The following ADGRF5 variants were observed in gnomAD, a reference collection of about 807,000 sequenced individuals.
ADGRF5 encodes the protein G-protein coupled receptor 116.
Under a neutral mutation model 132.3 loss-of-function variants are expected in ADGRF5, and 75 were observed. The observed-to-expected ratio is 0.57, with a 90% confidence interval of 0.47 to 0.69. The LOEUF (loss-of-function observed/expected upper bound fraction) is 0.69, where lower values mean the gene tolerates loss of function less well. ADGRF5 is among the 30% of genes least tolerant of loss of function. ADGRF5 has a pLI of 0.00. For synonymous variants in ADGRF5, 629 were observed against 597.6 expected (o/e 1.05, Z -0.77); for missense variants, 1,516 against 1,630.6 (o/e 0.93, Z 1.21).
At chr6:46,871,577 G>A (rs900391055) in intron 11 of ADGRF5, among the ~76,000 whole-genome samples, 1 of 152,102 alleles carries the variant, frequency 6.6e-6, no homozygotes, top group African/African-American at 2.4e-5. Context: ...TCCACCTCCT[G>A]CATTACTCAG....
intron 3 of ADGRF5, among the ~76,000 whole-genome samples, chr6:46,898,461 A>G (rs1213183522): frequency 6.6e-6 from 1 of 152,180 alleles, no homozygotes; most frequent in Non-Finnish European, 1.5e-5. Context: ...CAGAACGTAT[A>G]TACTGTGCCA....
intron 3 of ADGRF5, among the ~76,000 whole-genome samples, chr6:46,889,049 G>T (rs1277501762): frequency 6.6e-6 from 1 of 151,868 alleles, no homozygotes; most frequent in Non-Finnish European, 1.5e-5. Flanking sequence ...TAAAATAAAA[G>T]AGATTTTCAG....
At chr6:46,861,622 T>C (rs1020597973) in intron 15 of ADGRF5, among the ~76,000 whole-genome samples, 1 of 152,236 alleles carries the variant, frequency 6.6e-6, no homozygotes, top group African/African-American at 2.4e-5. Flanking sequence ...ATTGCTCCAA[T>C]TAAATTATAA....
chr6:46,864,772 C>A (rs931330126), intron 14 of ADGRF5, among the ~76,000 whole-genome samples: 1 of 152,136 alleles, frequency 6.6e-6, no homozygotes, highest in Non-Finnish European at 1.5e-5. Context: ...GATCTGCCCA[C>A]CTCGGCCTCC....
At chr6:46,880,842 A>G (rs922540450) in intron 8 of ADGRF5, among the ~76,000 whole-genome samples, 25 of 151,974 alleles carry the variant, frequency 1.6e-4, no homozygotes, top group African/African-American at 6.0e-4. Flanking sequence ...TGTAATCCCA[A>G]CACTTTGGGA....
chr6:46,934,475 G>A (rs1176335649), intron 1 of ADGRF5, among the ~76,000 whole-genome samples: 2 of 152,184 alleles, frequency 1.3e-5, no homozygotes, highest in Admixed American at 6.5e-5. Context: ...AAATGTTTAA[G>A]TGTGAACTCA....
chr6:46,856,723 A>C lies in ADGRF5; in HGVS notation c.3871T>G (p.Ser1291Ala), dbSNP rs1236427189. 1 of 1,410,074 alleles carries C rather than the reference A, an allele frequency of 7.1e-7. No homozygotes were observed. Among genetic ancestry groups the C allele is most frequent in the Non-Finnish European group, 1.0e-6 (1 of 994,598 alleles). 87.3% of individuals were successfully genotyped at this position (1,410,074 alleles called of 1,614,324 possible). ...TCTGCAGAGAAAAAGTTTACCTTTG[A>C]GTGCTGTGAAGACCATCTCGACAAT... ...FSLSRWSSQH[S>A]KSTSLGSSTP... The change falls in exon 19 of 21, where the codon TCA becomes GCA. Residue 1291 changes from serine (S) to alanine (A), a missense_variant. Physicochemically the swap from Ser to Ala is moderately conservative, Grantham distance 99. This residue lies in a region of ADGRF5 where 571 missense variants were observed against 701.2 expected (regional missense o/e 0.81). Coordinates refer to ENST00000283296, the MANE Select transcript of ADGRF5 (RefSeq NM_001098518.2).
At chr6:46,931,158 T>C (rs1482718366) in intron 1 of ADGRF5, among the ~76,000 whole-genome samples, 1 of 152,242 alleles carries the variant, frequency 6.6e-6, no homozygotes, top group Non-Finnish European at 1.5e-5. Flanking sequence ...ATGATAGGCC[T>C]GCCCCTTCTT....
chr6:46,943,532 T>G (rs1561840517), intron 1 of ADGRF5, among the ~76,000 whole-genome samples: 2 of 152,220 alleles, frequency 1.3e-5, no homozygotes, highest in African/African-American at 4.8e-5. Flanking sequence ...TATCTCTTGT[T>G]GAGGACCACC....
chr6:46,864,127 A>T (rs111921287), intron 14 of ADGRF5, among the ~76,000 whole-genome samples: 100 of 152,332 alleles, frequency 6.6e-4, no homozygotes, highest in African/African-American at 2.3e-3. Flanking sequence ...GCCCAGGGTC[A>T]TCATTTACCC....
chr6:46,918,537 A>G (rs942516682), intron 1 of ADGRF5, among the ~76,000 whole-genome samples: 7 of 152,220 alleles, frequency 4.6e-5, no homozygotes, highest in African/African-American at 1.7e-4. Context: ...AACATGGCAA[A>G]GTGACCTTGA....
chr6:46,948,731 C>T lies in ADGRF5; in HGVS notation c.-25+6003G>A, dbSNP rs58222719. On this transcript the variant is annotated intron_variant, in intron 1 of 20. Coordinates refer to the ADGRF5 transcript ENST00000265417. ...CGCTTTACTTTTGAATTGCCGTCAC[C>T]GGTCTCTGGAATATTTTTGGATGAC... Among the ~76,000 whole-genome samples, 454 of 152,296 alleles carry T rather than the reference C, an allele frequency of 3.0e-3. 10 individuals carry two copies. In the East Asian group the frequency reaches 0.042, roughly 14 times the overall value.
rs1768632093 is a variant in ADGRF5, at chr6:46,852,800, A to G, written c.*1192T>C. ...GGTTGGAATAAACACAATTTAGACC[A>G]TGCAAAACTCTTAATGTATATTGGT... On this transcript the variant is annotated 3_prime_UTR_variant, in exon 21 of 21. Transcript: ENST00000283296. The G allele has an allele frequency of 6.6e-6, 1 of 152,370 alleles. No individual in the cohort carries two copies. The highest frequency in any genetic ancestry group is 2.4e-5 in the African/African-American group (1 of 41,452). 9.4% of individuals were successfully genotyped at this position (152,370 alleles called of 1,614,324 possible). A position where few individuals can be genotyped will look rare whatever the true frequency, so the allele number is the denominator to read the frequency against.
At chr6:46,872,802 C>T (rs1394420246) in intron 10 of ADGRF5, among the ~76,000 whole-genome samples, 1 of 152,130 alleles carries the variant, frequency 6.6e-6, no homozygotes, top group Non-Finnish European at 1.5e-5. Context: ...CCATGCACTC[C>T]TAAGGGAATC....
intron 13 of ADGRF5, among the ~76,000 whole-genome samples, chr6:46,865,522 T>C (rs866429587): frequency 1.1e-4 from 17 of 152,242 alleles, no homozygotes; most frequent in African/African-American, 3.4e-4. Context: ...CTTTACCATA[T>C]TGGTATATAG....
intron 1 of ADGRF5, among the ~76,000 whole-genome samples, chr6:46,912,552 G>T (rs1448351118): frequency 6.6e-6 from 1 of 152,026 alleles, no homozygotes; most frequent in Admixed American, 6.5e-5. Flanking sequence ...TGCAACAACA[G>T]GATTAGGTAA....
At chr6:46,861,887 T>C (rs1769783884) in intron 15 of ADGRF5, among the ~76,000 whole-genome samples, 1 of 152,224 alleles carries the variant, frequency 6.6e-6, no homozygotes, top group Non-Finnish European at 1.5e-5. Context: ...ATTAGGATAA[T>C]TTATATCTCT....
chr6:46,863,369 G>T (rs1770019023), intron 14 of ADGRF5: 2 of 520,364 alleles, frequency 3.8e-6, no homozygotes, highest in Non-Finnish European at 7.4e-6. Context: ...TGACATATTA[G>T]AATCATCTGG....
In ADGRF5 at chr6:46,867,037, A is replaced by C; in HGVS notation, c.1722T>G (p.Asp574Glu). 6.2e-7 allele frequency: 1 copy of C among 1,613,768 alleles called. No individual in the cohort carries two copies. The highest frequency in any genetic ancestry group is 8.5e-7 in the Non-Finnish European group (1 of 1,179,646). ...PLPLKLNIMV[D>E]PLEATVSCSG... ...TGCATGAAACAGTAGCTTCCAAAGG[A>C]TCAACCATGATGTTCAGCTTTAGAG... Residue 574 changes from aspartate to glutamate, a missense_variant, in exon 13 of 21, where the codon GAT (aspartate) becomes GAG (glutamate). Coordinates refer to ENST00000283296, the MANE Select transcript of ADGRF5 (RefSeq NM_001098518.2).
Sources: gnomAD v4.1 joint callset for allele counts (sites outside exome capture counted in the v4.1 genomes callset) on GRCh38, gnomAD v4.1.1 for gene constraint, gnomAD v4.1.1 regional missense constraint, MANE v1.5 for transcripts, NCBI Gene and HGNC (gene_info 2026-07-23, HGNC 2026-07-21) for gene names.